DYM: variants seen among roughly 807,000 people sequenced by gnomAD.
DYM encodes the protein dymeclin.
In DYM, 78 loss-of-function variants were observed where a neutral mutation model predicts 93.1. The ratio of observed to expected loss-of-function variants is 0.84; its 90% CI spans 0.70 to 1.01. The LOEUF (loss-of-function observed/expected upper bound fraction) is 1.01. Among genes scored for constraint, DYM ranks in the 50% least tolerant of loss-of-function variants. The pLI, the probability that DYM is intolerant of heterozygous loss-of-function variation, is 0.00. For missense variants in DYM, 789 were observed against 845.0 expected, an observed-to-expected ratio of 0.93 and a Z score of 0.82; for synonymous variants, 321 against 319.7, an observed-to-expected ratio of 1.00 and a Z score of -0.04.
At chr18:49,141,439 C>T (rs1408284064) in intron 15 of DYM, among the ~76,000 whole-genome samples, 3 of 152,118 alleles carry the variant, frequency 2.0e-5, no homozygotes, top group East Asian at 3.9e-4. Context: ...CTACAATGAC[C>T]TATTCCTTCA....
chr18:49,077,355 AC>A (rs1351844121), intron 17 of DYM, among the ~76,000 whole-genome samples: 2 of 152,220 alleles, frequency 1.3e-5, no homozygotes, highest in African/African-American at 4.8e-5. Flanking sequence ...CATCAATTTA[AC>A]TTTGACAATT....
chr18:49,282,242 A>G, intron 9 of DYM, 67 bp from the exon 10 acceptor site: 2 of 1,365,920 alleles, frequency 1.5e-6, no homozygotes, highest in East Asian at 2.4e-5. Context: ...AATATTGTTA[A>G]AGTAATGTGT....
At chr18:49,289,432 A>G (rs1236862005) in intron 8 of DYM, among the ~76,000 whole-genome samples, 3 of 112,168 alleles carry the variant, frequency 2.7e-5, no homozygotes, top group South Asian at 5.9e-4. Flanking sequence ...AAAAAAAAAA[A>G]GTAATCCAAA....
At chr18:49,226,977 C>CT (rs1473081811) in intron 13 of DYM, among the ~76,000 whole-genome samples, 1 of 152,078 alleles carries the variant, frequency 6.6e-6, no homozygotes, top group Non-Finnish European at 1.5e-5. Context: ...AAAATCTAGA[C>CT]TTTGGGGGAC....
At chr18:49,368,683 G>T (rs577759394) in intron 5 of DYM, 4 of 152,288 alleles carry the variant, frequency 2.6e-5, no homozygotes, top group Admixed American at 2.6e-4. Flanking sequence ...TGCTGCCGTG[G>T]CAGCCGAAGC....
In DYM at chr18:49,347,382, G is replaced by C. The variant is rs566294601; in HGVS notation, c.495-13529C>G. On this transcript the variant is annotated intron_variant, in intron 6 of 17. Coordinates refer to ENST00000675505, the MANE Select transcript of DYM (RefSeq NM_001353214.3). ...ATTAAGTTAATAACTAAAAACAGAA[G>C]ACTGCCATAAATATTAAAAACTGAA... Among the ~76,000 whole-genome samples the C allele has an allele frequency of 2.6e-5, 4 of 152,150 alleles. No individual in the cohort carries two copies. The South Asian group carries it at 8.3e-4, about 32-fold the overall frequency.
chr18:49,050,966 T>A (rs2072364293), intron 17 of DYM, among the ~76,000 whole-genome samples: 4 of 152,168 alleles, frequency 2.6e-5, no homozygotes, highest in Admixed American at 6.5e-5. Flanking sequence ...AAAAATCCTG[T>A]GACACAGGTA....
chr18:49,439,667 T>G (rs2081155851), intron 1 of DYM, among the ~76,000 whole-genome samples: 1 of 152,134 alleles, frequency 6.6e-6, no homozygotes, highest in Non-Finnish European at 1.5e-5. Flanking sequence ...ATTAAAACAA[T>G]AATATATCAT....
At chr18:49,414,907 T>C (rs1218940866) in intron 2 of DYM, among the ~76,000 whole-genome samples, 2 of 152,224 alleles carry the variant, frequency 1.3e-5, no homozygotes, top group Non-Finnish European at 2.9e-5. Flanking sequence ...TTGTCACTCA[T>C]GTTTTTAGTC....
intron 15 of DYM, 145 bp downstream of exon 15, chr18:49,163,540 T>C: frequency 1.7e-6 from 1 of 586,282 alleles, no homozygotes; most frequent in South Asian, 1.6e-5. Flanking sequence ...GAGATGGGGT[T>C]TCACCATGTT....
At chr18:49,417,767 G>T (rs916181342) in intron 2 of DYM, among the ~76,000 whole-genome samples, 2 of 152,140 alleles carry the variant, frequency 1.3e-5, no homozygotes, top group African/African-American at 4.8e-5. Context: ...CTTGTTTGCT[G>T]ATTTACAGAT....
chr18:49,055,983 G>A (rs2075437657), intron 17 of DYM, among the ~76,000 whole-genome samples: 2 of 152,308 alleles, frequency 1.3e-5, no homozygotes, highest in Admixed American at 1.3e-4. Flanking sequence ...GGATGGAGGT[G>A]GTGACACTGC....
rs1568448371 is a variant in DYM at position 49,440,050 on chromosome 18, AAAT to A, written c.-53-9606_-53-9604del. Among the ~76,000 whole-genome samples, 15 of 121,714 alleles carry A rather than the reference AAAT, an allele frequency of 1.2e-4. 1 individual carries two copies. Among genetic ancestry groups the A allele is most frequent in the African/African-American group, 4.2e-4 (15 of 35,420 alleles). The allele number at this position is 121,714 out of a possible 152,430, so 79.8% of individuals were successfully genotyped here. A position where few individuals can be genotyped will look rare whatever the true frequency, so the allele number is the denominator to read the frequency against. On this transcript the variant is annotated intron_variant, in intron 1 of 17. Transcript: ENST00000675505. The stretch of plus-strand genomic sequence containing the variant: ...TAAATAAATAAATAAATAAATAAAT[AAAT>A]AAAACATGATATGCTCAATATTTTA...
At chr18:49,250,879 T>A (rs764814693) in intron 13 of DYM, among the ~76,000 whole-genome samples, 1 of 152,220 alleles carries the variant, frequency 6.6e-6, no homozygotes, top group Non-Finnish European at 1.5e-5. Context: ...CAAATGGCAA[T>A]TGAAGACGAA....
chr18:49,102,338 C>T (rs1037286060), intron 16 of DYM, among the ~76,000 whole-genome samples: 1 of 152,116 alleles, frequency 6.6e-6, no homozygotes, highest in African/African-American at 2.4e-5. Context: ...TAAATTTGTT[C>T]TATTTCCCTT....
intron 17 of DYM, among the ~76,000 whole-genome samples, chr18:49,056,680 G>A (rs1410500502): frequency 6.6e-6 from 1 of 151,708 alleles, no homozygotes; most frequent in African/African-American, 2.4e-5. Context: ...AGGGACTACA[G>A]GCGCATGCCA....
Position 49,091,848 on chromosome 18 carries a change from C to T in DYM, c.2025+5554G>A, listed in dbSNP as rs1293610282. Among the ~76,000 whole-genome samples the T allele has an allele frequency of 2.0e-5, 3 of 152,054 alleles. No individual in the cohort carries two copies. The East Asian group carries it at 5.8e-4, about 29-fold the overall frequency. Reference sequence around the variant, plus strand: ...CAGGCTGGTCTCAAACTCCTGTCCTCGTGATCTGCCCGCCTCCAGCTCCCA... The same window carrying T: ...CAGGCTGGTCTCAAACTCCTGTCCTTGTGATCTGCCCGCCTCCAGCTCCCA... On this transcript the variant is annotated intron_variant, in intron 17 of 17. Coordinates refer to ENST00000675505, the MANE Select transcript of DYM (RefSeq NM_001353214.3).
At chr18:49,378,063 C>T (rs969268713) in intron 5 of DYM, among the ~76,000 whole-genome samples, 1 of 152,184 alleles carries the variant, frequency 6.6e-6, no homozygotes, top group Non-Finnish European at 1.5e-5. Context: ...AGATGAGACA[C>T]TTTGGCATCA....
intron 13 of DYM, among the ~76,000 whole-genome samples, chr18:49,220,051 C>T (rs2093282858): frequency 6.6e-6 from 1 of 152,216 alleles, no homozygotes; most frequent in Non-Finnish European, 1.5e-5. Context: ...GCAACTTCAG[C>T]AAAGTCCCAG....
Sources: gnomAD v4.1 joint callset for allele counts (sites outside exome capture counted in the v4.1 genomes callset) on GRCh38, gnomAD v4.1.1 for gene constraint, MANE v1.5 for transcripts, NCBI Gene and HGNC (gene_info 2026-07-23, HGNC 2026-07-21) for gene names.